IFTAP: variants seen among roughly 807,000 people sequenced by gnomAD.
The protein encoded by IFTAP is intraflagellar transport-associated protein.
In IFTAP, 19 loss-of-function variants were observed where a neutral mutation model predicts 19.4. That is an observed-to-expected ratio of 0.98 (90% CI 0.68 to 1.44). The LOEUF (loss-of-function observed/expected upper bound fraction) is 1.44, where lower values mean the gene tolerates loss of function less well. Among genes scored for constraint, IFTAP ranks in the 40% most tolerant of loss-of-function variants. The pLI, the probability that IFTAP is intolerant of heterozygous loss-of-function variation, is 0.00. For synonymous variants in IFTAP, 85 were observed against 83.5 expected (o/e 1.02, Z -0.10); for missense variants, 240 against 253.6 (o/e 0.95, Z 0.36).
At chr11:36,626,909 A>C (rs1207128870) in intron 2 of IFTAP, among the ~76,000 whole-genome samples, 3 of 151,194 alleles carry the variant, frequency 2.0e-5, no homozygotes, top group Non-Finnish European at 4.4e-5. Context: ...ACTCAGTATC[A>C]TAATTAAGGG....
chr11:36,624,005 A>ATTT (rs56824320), intron 2 of IFTAP, among the ~76,000 whole-genome samples: 166 of 151,870 alleles, frequency 1.1e-3, no homozygotes, highest in African/African-American at 3.7e-3. Context: ...GTATATATAT[A>ATTT]TTTTTTTCCT....
intron 1 of IFTAP, among the ~76,000 whole-genome samples, chr11:36,600,448 G>A (rs1851464210): frequency 6.6e-6 from 1 of 152,340 alleles, no homozygotes; most frequent in African/African-American, 2.4e-5. Context: ...CCTGTTGTAA[G>A]CTGTGCATGT....
chr11:36,606,821 T>G (rs897429470), intron 1 of IFTAP, among the ~76,000 whole-genome samples: 2 of 152,222 alleles, frequency 1.3e-5, no homozygotes, highest in Non-Finnish European at 2.9e-5. Context: ...AAAAGCAGAT[T>G]GACGTTGAAA....
intron 5 of IFTAP, among the ~76,000 whole-genome samples, chr11:36,651,468 G>A (rs1944598140): frequency 6.6e-6 from 1 of 152,120 alleles, no homozygotes; most frequent in Non-Finnish European, 1.5e-5. Context: ...TGTCAGATGA[G>A]TAGATTGCAA....
chr11:36,621,600 G>C (rs1852294724), intron 2 of IFTAP, among the ~76,000 whole-genome samples: 1 of 151,956 alleles, frequency 6.6e-6, no homozygotes, highest in Non-Finnish European at 1.5e-5. Context: ...TGGGGTTGTA[G>C]GGAGTCATCT....
intron 2 of IFTAP, among the ~76,000 whole-genome samples, chr11:36,616,748 G>A (rs905836196): frequency 6.6e-6 from 1 of 151,840 alleles, no homozygotes; most frequent in Admixed American, 6.6e-5. Context: ...GATCATACAG[G>A]CCTGCACTGT....
chr11:36,621,574 C>A (rs1423498702), intron 2 of IFTAP, among the ~76,000 whole-genome samples: 10 of 151,922 alleles, frequency 6.6e-5, no homozygotes, highest in Non-Finnish European at 7.4e-5. Context: ...TGTATATGAA[C>A]TACTGTTTAG....
chr11:36,626,367 G>T lies in IFTAP; in HGVS notation c.137-6917G>T, dbSNP rs549805533. Among the ~76,000 whole-genome samples the T allele has an allele frequency of 4.3e-4, 65 of 151,372 alleles. 2 individuals carry two copies. Among genetic ancestry groups the T allele is most frequent in the Admixed American group, 3.4e-3 (52 of 15,276 alleles). ...GTCTTTGAGTGAGTAAAAATTTTAA[G>T]GGACTAGATTATATGTTTCTTATAA... On this transcript the variant is annotated intron_variant, in intron 2 of 5. Coordinates refer to ENST00000334307, the MANE Select transcript of IFTAP (RefSeq NM_138787.4).
intron 3 of IFTAP, among the ~76,000 whole-genome samples, chr11:36,635,309 C>G (rs1162651262): frequency 3.9e-5 from 6 of 152,156 alleles, no homozygotes; most frequent in Non-Finnish European, 8.8e-5. Flanking sequence ...TATTTACACT[C>G]TTTGATATTC....
intron 1 of IFTAP, among the ~76,000 whole-genome samples, chr11:36,598,828 C>T (rs888323867): frequency 2.0e-5 from 3 of 152,076 alleles, no homozygotes; most frequent in Admixed American, 6.5e-5. Flanking sequence ...TCATCTTAAT[C>T]CTTAAGCCTC....
intron 5 of IFTAP, among the ~76,000 whole-genome samples, chr11:36,655,817 A>G (rs1187473025): frequency 2.0e-5 from 3 of 152,114 alleles, no homozygotes; most frequent in African/African-American, 7.2e-5. Context: ...TTATATTTTT[A>G]TACATTGAAG....
In IFTAP at chr11:36,648,397, A is replaced by G. The variant is rs577343766; in HGVS notation, c.498+242A>G. ...TTTTACAGTGTATGCCATGCCACAG[A>G]TCAGTGCTACCCAAGGACTACACAA... On this transcript the variant is annotated intron_variant, in intron 5 of 5. Coordinates refer to ENST00000334307, the MANE Select transcript of IFTAP (RefSeq NM_138787.4). 8 of 439,752 alleles carry G rather than the reference A, an allele frequency of 1.8e-5. No homozygotes were observed. In the South Asian group the frequency reaches 2.8e-4, roughly 15 times the overall value. 27.2% of individuals were successfully genotyped at this position (439,752 alleles called of 1,614,324 possible). A position where few individuals can be genotyped will look rare whatever the true frequency, so the allele number is the denominator to read the frequency against.
chr11:36,657,666 G>A (rs1451207659), intron 5 of IFTAP, among the ~76,000 whole-genome samples: 2 of 152,128 alleles, frequency 1.3e-5, no homozygotes, highest in Non-Finnish European at 2.9e-5. Context: ...CTTACTAACT[G>A]TGTATTTTGG....
intron 1 of IFTAP, among the ~76,000 whole-genome samples, chr11:36,602,091 G>A (rs1024435892): frequency 4.6e-5 from 7 of 152,178 alleles, no homozygotes; most frequent in African/African-American, 1.7e-4. Flanking sequence ...AACTGGGGAA[G>A]CATTGTATTA....
intron 2 of IFTAP, among the ~76,000 whole-genome samples, chr11:36,616,600 T>A (rs2133396313): frequency 6.6e-6 from 1 of 152,102 alleles, no homozygotes; most frequent in East Asian, 1.9e-4. Flanking sequence ...TTTCAGTTTT[T>A]CTCAGATTTT....
intron 2 of IFTAP, among the ~76,000 whole-genome samples, chr11:36,622,298 A>T (rs1439308816): frequency 6.6e-6 from 1 of 152,034 alleles, no homozygotes; most frequent in Non-Finnish European, 1.5e-5. Flanking sequence ...TTTAAAAAAG[A>T]GGGAAAAATT....
intron 2 of IFTAP, among the ~76,000 whole-genome samples, chr11:36,623,869 A>G (rs1340744300): frequency 1.3e-5 from 2 of 152,210 alleles, no homozygotes; most frequent in Non-Finnish European, 2.9e-5. Context: ...ACGCAAGAGT[A>G]GAATTTTATG....
intron 1 of IFTAP, among the ~76,000 whole-genome samples, chr11:36,598,457 T>C (rs1049851443): frequency 6.6e-6 from 1 of 152,204 alleles, no homozygotes; most frequent in African/African-American, 2.4e-5. Flanking sequence ...ATTAAGAACA[T>C]TTTAGAAAAA....
intron 5 of IFTAP, among the ~76,000 whole-genome samples, chr11:36,651,489 C>T (rs906996091): frequency 7.2e-5 from 11 of 151,990 alleles, no homozygotes; most frequent in African/African-American, 2.4e-4. Flanking sequence ...AAATTTTCTC[C>T]CATTCTGTAG....
Sources: gnomAD v4.1 joint callset for allele counts (sites outside exome capture counted in the v4.1 genomes callset) on GRCh38, gnomAD v4.1.1 for gene constraint, MANE v1.5 for transcripts, NCBI Gene and HGNC (gene_info 2026-07-23, HGNC 2026-07-21) for gene names.